Variants in CA13 observed in about 807,000 individuals in gnomAD.
CA13 encodes carbonic anhydrase 13.
Under a neutral mutation model 31.5 loss-of-function variants are expected in CA13, and 21 were observed. That is an observed-to-expected ratio of 0.67 (90% CI 0.47 to 0.96). CA13 has a LOEUF of 0.96. Among genes scored for constraint, CA13 ranks in the 40% least tolerant of loss-of-function variants. The pLI is 0.00. For missense variants in CA13, 315 were observed against 318.9 expected, an observed-to-expected ratio of 0.99 and a Z score of 0.09; for synonymous variants, 117 against 111.4, an observed-to-expected ratio of 1.05 and a Z score of -0.32.
In CA13 at chr8:85,278,128, G is replaced by T. The variant is rs1394340395; in HGVS notation, c.670-3102G>T. On this transcript the variant is annotated intron_variant, in intron 6 of 6. Transcript: ENST00000321764. ...AAAAAAAAAATTAGCTGGGCGTGGT[G>T]TCCCCTGCCTATATATAACCTCAGC... Among the ~76,000 whole-genome samples, 2 of 151,552 alleles carry T rather than the reference G, an allele frequency of 1.3e-5. 1 individual carries two copies.
intron 2 of CA13, among the ~76,000 whole-genome samples, chr8:85,252,101 T>A (rs961060592): frequency 6.6e-6 from 1 of 151,838 alleles, no homozygotes; most frequent in Admixed American, 6.6e-5. Flanking sequence ...CTACAAAAAA[T>A]AAAAAATTAA....
chr8:85,253,147 G>C (rs1006533340), intron 2 of CA13, among the ~76,000 whole-genome samples: 4 of 151,942 alleles, frequency 2.6e-5, no homozygotes, highest in African/African-American at 9.7e-5. Context: ...GTTTCTCCAT[G>C]TTAATCAGGC....
At position 85,281,611 on chromosome 8, in the gene CA13, C is replaced by A; in HGVS notation, c.*262C>A. ...AATTGCAGCCTCCAACTCCTGGACTCAAGTGATCCTCCCACCTCAGCCTCC... is the reference window on the plus strand; with the variant it reads ...AATTGCAGCCTCCAACTCCTGGACTAAAGTGATCCTCCCACCTCAGCCTCC... On this transcript the variant is annotated 3_prime_UTR_variant, in exon 7 of 7. Coordinates refer to ENST00000321764, the MANE Select transcript of CA13 (RefSeq NM_198584.3). The A allele has an allele frequency of 4.8e-6, 3 of 625,064 alleles. No homozygotes were observed. Among genetic ancestry groups the A allele is most frequent in the Non-Finnish European group, 6.5e-6 (3 of 462,864 alleles). 38.7% of individuals were successfully genotyped at this position (625,064 alleles called of 1,614,324 possible).
At chr8:85,253,187 C>T (rs181687529) in intron 2 of CA13, among the ~76,000 whole-genome samples, 10 of 152,054 alleles carry the variant, frequency 6.6e-5, no homozygotes, top group African/African-American at 1.9e-4. Flanking sequence ...TCAGGTGATC[C>T]GCCCGCCTCG....
intron 6 of CA13, among the ~76,000 whole-genome samples, chr8:85,272,817 TTTTC>T (rs1257953026): frequency 6.6e-6 from 1 of 152,124 alleles, no homozygotes; most frequent in East Asian, 1.9e-4. Context: ...CATTGTTTCC[TTTTC>T]TTTTCTTTTT....
chr8:85,267,155 T>C (rs1807470150), intron 4 of CA13: 1 of 686,090 alleles, frequency 1.5e-6, no homozygotes, highest in Non-Finnish European at 1.8e-6. Context: ...TAGACAATTA[T>C]TGTCATCATA....
intron 3 of CA13, among the ~76,000 whole-genome samples, chr8:85,261,084 T>C (rs1052296802): frequency 7.2e-5 from 11 of 152,192 alleles, no homozygotes; most frequent in African/African-American, 2.4e-4. Flanking sequence ...ACTTTTTTGT[T>C]GTTGTTGTTC....
Position 85,283,163 on chromosome 8 carries a change from A to T in CA13, c.*1814A>T, listed in dbSNP as rs1807732899. ...GGTCTCAAACTCCTGACCTCAAGTG[A>T]TCTGCCTGCCTCGGCCTCTCAAATT... On this transcript the variant is annotated 3_prime_UTR_variant, in exon 7 of 7. Coordinates refer to ENST00000321764, the MANE Select transcript of CA13 (RefSeq NM_198584.3). 2.0e-5 allele frequency: 3 copies of T among 152,176 alleles called. No homozygotes were observed. The South Asian group carries it at 6.2e-4, about 32-fold the overall frequency. 9.4% of individuals were successfully genotyped at this position (152,176 alleles called of 1,614,324 possible). A position where few individuals can be genotyped will look rare whatever the true frequency, so the allele number is the denominator to read the frequency against.
intron 3 of CA13, among the ~76,000 whole-genome samples, chr8:85,260,399 A>C (rs1022174713): frequency 6.6e-6 from 1 of 152,230 alleles, no homozygotes; most frequent in African/African-American, 2.4e-5. Flanking sequence ...GACAGAGCTA[A>C]GTTATCAGGC....
At chr8:85,256,059 C>T (rs1016143880) in intron 2 of CA13, among the ~76,000 whole-genome samples, 17 of 150,768 alleles carry the variant, frequency 1.1e-4, no homozygotes, top group East Asian at 1.9e-4. Context: ...ACTTGTATGA[C>T]GGAAAGACAT....
chr8:85,255,854 C>T (rs926198755), intron 2 of CA13, among the ~76,000 whole-genome samples: 6 of 152,142 alleles, frequency 3.9e-5, no homozygotes, highest in African/African-American at 1.4e-4. Context: ...GCTGTGGCTC[C>T]CAGGGCATTC....
chr8:85,269,642 T>A (rs1271071223), intron 6 of CA13, among the ~76,000 whole-genome samples: 1 of 152,178 alleles, frequency 6.6e-6, no homozygotes, highest in African/African-American at 2.4e-5. Flanking sequence ...GTAGGGAGGT[T>A]CTTTCTGTGT....
At chr8:85,272,086 A>T (rs770624789) in intron 6 of CA13, among the ~76,000 whole-genome samples, 35 of 152,206 alleles carry the variant, frequency 2.3e-4, no homozygotes, top group Non-Finnish European at 4.4e-4. Flanking sequence ...TAAATAAAAG[A>T]TAGAGATCTC....
rs1397620673 is a variant in CA13, at chr8:85,267,918, C to T, written c.467C>T (p.Ser156Phe). The change falls in exon 5 of 7, where the codon TCC becomes TTC. Residue 156 changes from serine (S) to phenylalanine (F), a missense_variant. By Grantham distance (155) the Ser-to-Phe change is radical. Coordinates refer to ENST00000321764, the MANE Select transcript of CA13 (RefSeq NM_198584.3). The stretch of plus-strand genomic sequence containing the variant: ...TGTTTTTAGATTGGTGAACCTAATT[C>T]CCAACTGCAAAAGATTACTGACACT... ...GVFLQIGEPN[S>F]QLQKITDTLD... 6.3e-7 allele frequency: 1 copy of T among 1,597,134 alleles called. No individual in the cohort carries two copies. Among genetic ancestry groups the T allele is most frequent in the African/African-American group, 1.3e-5 (1 of 74,458 alleles).
rs1427367631 is a variant in CA13 at position 85,282,112 on chromosome 8, A to G, written c.*763A>G. ...AATATTTTGTTATTCCAGTTCATAA[A>G]AAGTAGATTACGTTTTCCTATAAGG... On this transcript the variant is annotated 3_prime_UTR_variant, in exon 7 of 7. Transcript: ENST00000321764. The G allele has an allele frequency of 6.6e-6, 1 of 152,206 alleles. No homozygotes were observed. The highest frequency in any genetic ancestry group is 1.5e-5 in the Non-Finnish European group (1 of 68,044). 9.4% of individuals were successfully genotyped at this position (152,206 alleles called of 1,614,324 possible).
At position 85,254,292 on chromosome 8, in the gene CA13, G is replaced by A. The variant is rs74557813; in HGVS notation, c.235+3355G>A. On this transcript the variant is annotated intron_variant, in intron 2 of 6. Coordinates refer to ENST00000321764, the MANE Select transcript of CA13 (RefSeq NM_198584.3). ...GATTCCATCTCAAAAAAAAAAAAAAGTAAAGCTACCCATTCCTCATTTTAG... is the reference window on the plus strand; with the variant it reads ...GATTCCATCTCAAAAAAAAAAAAAAATAAAGCTACCCATTCCTCATTTTAG... 8.8e-3 allele frequency among the ~76,000 whole-genome samples: 1,181 copies of A among 133,698 alleles called. 15 individuals are homozygous for A. The highest frequency in any genetic ancestry group is 0.03 in the African/African-American group (1,113 of 36,696). The allele number at this position is 133,698 out of a possible 152,430, so 87.7% of individuals were successfully genotyped here.
chr8:85,273,065 G>A (rs998721132), intron 6 of CA13, among the ~76,000 whole-genome samples: 2 of 152,110 alleles, frequency 1.3e-5, no homozygotes, highest in Non-Finnish European at 1.5e-5. Context: ...TGATTTGCCC[G>A]CCTTGGCCTC....
chr8:85,284,011 T>A lies in CA13; in HGVS notation c.*2662T>A, dbSNP rs1807744055. ...CAGCAAATACTGATTTTATGATTGT[T>A]AAGCATTTCATATTTTAATTTAAAT... On this transcript the variant is annotated 3_prime_UTR_variant, in exon 7 of 7. Coordinates refer to ENST00000321764, the MANE Select transcript of CA13 (RefSeq NM_198584.3). The A allele has an allele frequency of 6.6e-6, 1 of 152,184 alleles. No individual in the cohort carries two copies. Among genetic ancestry groups the A allele is most frequent in the African/African-American group, 2.4e-5 (1 of 41,464 alleles). The allele number at this position is 152,184 out of a possible 1,614,324, so 9.4% of individuals were successfully genotyped here.
At chr8:85,274,040 C>T (rs1359103191) in intron 6 of CA13, among the ~76,000 whole-genome samples, 1 of 152,070 alleles carries the variant, frequency 6.6e-6, no homozygotes, top group Non-Finnish European at 1.5e-5. Context: ...AGCTCTCTTC[C>T]TGCTTCTGCT....
Sources: allele counts gnomAD v4.1 joint callset (sites outside exome capture counted in the v4.1 genomes callset), GRCh38; gene constraint gnomAD v4.1.1; transcripts MANE v1.5; gene names NCBI Gene and HGNC (gene_info 2026-07-23, HGNC 2026-07-21).